The following ARHGEF33 variants were observed in gnomAD, a reference collection of about 807,000 sequenced individuals.
The protein encoded by ARHGEF33 is Rho guanine nucleotide exchange factor 33.
A neutral mutation model predicts 101.9 loss-of-function variants in ARHGEF33; 72 were observed. The ratio of observed to expected loss-of-function variants is 0.71; its 90% CI spans 0.58 to 0.86. The LOEUF is 0.86. ARHGEF33 is among the 40% of genes least tolerant of loss of function. The pLI is 0.00. For synonymous variants in ARHGEF33, 499 were observed against 442.5 expected (o/e 1.13, Z -1.60); for missense variants, 1,169 against 1,111.3 (o/e 1.05, Z -0.74).
chr2:38,928,621 G>A (rs1666925338), intron 4 of ARHGEF33, among the ~76,000 whole-genome samples: 1 of 152,178 alleles, frequency 6.6e-6, no homozygotes, highest in African/African-American at 2.4e-5. Context: ...AATCAAAGGT[G>A]TTAGAATAAA....
At chr2:38,926,664 A>T (rs1666879835) in intron 4 of ARHGEF33, among the ~76,000 whole-genome samples, 1 of 152,108 alleles carries the variant, frequency 6.6e-6, no homozygotes, top group Non-Finnish European at 1.5e-5. Context: ...TTAGGGGAAA[A>T]TTTTAATAAT....
chr2:38,939,976 T>C (rs564402282), intron 9 of ARHGEF33, among the ~76,000 whole-genome samples: 1 of 152,378 alleles, frequency 6.6e-6, no homozygotes, highest in African/African-American at 2.4e-5. Context: ...TAAATTTTGA[T>C]GTACAGTGTG....
At chr2:38,971,993 G>C (rs930810040) in intron 17 of ARHGEF33, 1 of 718,210 alleles carries the variant, frequency 1.4e-6, no homozygotes, top group African/African-American at 1.7e-5. Context: ...GTGACATGTT[G>C]GGTTTTGGAT....
intron 12 of ARHGEF33, 37 bp downstream of exon 12, chr2:38,953,282 C>A: frequency 8.9e-7 from 1 of 1,120,094 alleles, no homozygotes; most frequent in Non-Finnish European, 1.3e-6. Flanking sequence ...CCTTCATCTG[C>A]ACATGGCATC....
chr2:38,890,684 A>G (rs1665976844), intron 1 of ARHGEF33, among the ~76,000 whole-genome samples: 1 of 152,190 alleles, frequency 6.6e-6, no homozygotes, highest in South Asian at 2.1e-4. Context: ...AATATGTAGA[A>G]ATCTCTATAT....
intron 10 of ARHGEF33, among the ~76,000 whole-genome samples, chr2:38,949,264 A>G (rs547135679): frequency 4.1e-4 from 63 of 152,250 alleles, no homozygotes; most frequent in Non-Finnish European, 7.8e-4. Context: ...GAAATATTCA[A>G]GTAAGTTCAG....
At chr2:38,893,950 A>G (rs1038546504) in intron 1 of ARHGEF33, among the ~76,000 whole-genome samples, 13 of 152,170 alleles carry the variant, frequency 8.5e-5, no homozygotes, top group Non-Finnish European at 1.6e-4. Flanking sequence ...AAGTCTGAAG[A>G]CTGAAGACTG....
At chr2:38,906,788 G>A (rs893100303) in intron 2 of ARHGEF33, among the ~76,000 whole-genome samples, 11 of 144,824 alleles carry the variant, frequency 7.6e-5, no homozygotes, top group Non-Finnish European at 1.5e-4. Flanking sequence ...GGGCAACATG[G>A]TGAAACCCTG....
intron 17 of ARHGEF33, among the ~76,000 whole-genome samples, chr2:38,969,159 A>AAT (rs1668115621): frequency 1.3e-5 from 2 of 152,172 alleles, no homozygotes; most frequent in Non-Finnish European, 2.9e-5. Context: ...TATAGGAAGG[A>AAT]ACCAGAAGAG....
chr2:38,927,272 G>GTA (rs1426518369), intron 4 of ARHGEF33, among the ~76,000 whole-genome samples: 1 of 152,218 alleles, frequency 6.6e-6, no homozygotes, highest in African/African-American at 2.4e-5. Context: ...CAAAGTCACT[G>GTA]TATAGTGAGT....
chr2:38,918,447 A>G (rs1195514185), intron 2 of ARHGEF33, among the ~76,000 whole-genome samples: 3 of 152,182 alleles, frequency 2.0e-5, no homozygotes, highest in African/African-American at 7.2e-5. Context: ...AGTGGGAGGC[A>G]TCTGATCAAG....
At chr2:38,896,072 C>A (rs971971450) in intron 2 of ARHGEF33, among the ~76,000 whole-genome samples, 1 of 152,186 alleles carries the variant, frequency 6.6e-6, no homozygotes, top group Admixed American at 6.5e-5. Context: ...TATGTTACAT[C>A]AGACTTGATT....
intron 12 of ARHGEF33, 80 bp downstream of exon 12, chr2:38,953,325 G>A: frequency 1.2e-6 from 1 of 827,824 alleles, no homozygotes; most frequent in Admixed American, 2.0e-5. Flanking sequence ...AGTCAATACA[G>A]CGCATGCACT....
intron 4 of ARHGEF33, among the ~76,000 whole-genome samples, chr2:38,927,057 G>A (rs1038072005): frequency 1.3e-5 from 2 of 152,128 alleles, no homozygotes; most frequent in Non-Finnish European, 1.5e-5. Context: ...CCATTGCAAA[G>A]ATTAATTATA....
Position 38,960,452 on chromosome 2 carries a change from CGCCAGCCGACGG to C in ARHGEF33, c.2148_2159del (p.Pro717_Gly720del). 4.0e-6 allele frequency: 6 copies of C among 1,493,670 alleles called. No individual in the cohort carries two copies. Among genetic ancestry groups the C allele is most frequent in the Non-Finnish European group, 5.3e-6 (6 of 1,128,250 alleles). The allele number at this position is 1,493,670 out of a possible 1,614,324, so 92.5% of individuals were successfully genotyped here. ...TCTCTCAAAGAGTTCCCGCGTGCGC[CGCCAGCCGACGG>C]CGTGGCCCCACGCCTCTACAGCACG... is the stretch of plus-strand genomic sequence containing the variant. On this transcript the variant is annotated inframe_deletion, in exon 16 of 18. Transcript: ENST00000409978.
chr2:38,950,777 A>G lies in ARHGEF33; in HGVS notation c.921-212A>G, dbSNP rs533192708. Among the ~76,000 whole-genome samples the G allele has an allele frequency of 4.6e-5, 7 of 152,336 alleles. No homozygotes were observed. In the South Asian group the frequency reaches 1.4e-3, roughly 32 times the overall value. On this transcript the variant is annotated intron_variant, in intron 10 of 17. Coordinates refer to ENST00000409978, the MANE Select transcript of ARHGEF33 (RefSeq NM_001145451.5). Reference sequence around the variant, plus strand: ...AATACACATTTGTATAGAAGCCATTAGTAAAGGTTTTTTTTGTTTTGTTTT... The same window carrying G: ...AATACACATTTGTATAGAAGCCATTGGTAAAGGTTTTTTTTGTTTTGTTTT...
At chr2:38,907,585 G>T (rs1041012422) in intron 2 of ARHGEF33, among the ~76,000 whole-genome samples, 13 of 152,190 alleles carry the variant, frequency 8.5e-5, no homozygotes, top group Admixed American at 2.0e-4. Flanking sequence ...TGATTTAGCA[G>T]AAGGAACATT....
chr2:38,968,398 A>G (rs1668097034), intron 17 of ARHGEF33, among the ~76,000 whole-genome samples: 1 of 152,128 alleles, frequency 6.6e-6, no homozygotes, highest in Admixed American at 6.5e-5. Flanking sequence ...GATCTGAGTA[A>G]TCACATCTTT....
chr2:38,942,178 T>C (rs1667327886), intron 9 of ARHGEF33, among the ~76,000 whole-genome samples: 1 of 147,638 alleles, frequency 6.8e-6, no homozygotes, highest in Non-Finnish European at 1.5e-5. Context: ...TTTTTTTTTT[T>C]TTTTTTGAGA....
Sources: gnomAD v4.1 joint callset for allele counts (sites outside exome capture counted in the v4.1 genomes callset) on GRCh38, gnomAD v4.1.1 for gene constraint, MANE v1.5 for transcripts, NCBI Gene and HGNC (gene_info 2026-07-23, HGNC 2026-07-21) for gene names.